NFXL1: variants seen among roughly 807,000 people sequenced by gnomAD.
NFXL1 encodes the protein nuclear transcription factor, X-box binding like 1.
In NFXL1, 66 loss-of-function variants were observed where a neutral mutation model predicts 123.3. The ratio of observed to expected loss-of-function variants is 0.54; its 90% CI spans 0.44 to 0.66. The LOEUF (loss-of-function observed/expected upper bound fraction) is 0.66. NFXL1 is among the 30% of genes least tolerant of loss of function. The probability of loss-of-function intolerance (pLI) is 0.00; values close to 1 mark genes in which losing one functional copy is unlikely to be tolerated. For synonymous variants in NFXL1, 346 were observed against 360.8 expected, an observed-to-expected ratio of 0.96 and a Z score of 0.46; for missense variants, 944 against 1,125.6, an observed-to-expected ratio of 0.84 and a Z score of 2.31.
rs998974146 is a variant in NFXL1, at chr4:47,892,113, C to T, written c.1453-1410G>A. Among the ~76,000 whole-genome samples the T allele has an allele frequency of 2.0e-5, 3 of 152,200 alleles. No homozygotes were observed. In the East Asian group the frequency reaches 5.8e-4, roughly 29 times the overall value. On this transcript the variant is annotated intron_variant, in intron 11 of 22. Transcript: ENST00000507489. ...GATGGAGTAACAACAACCAGATTTA[C>T]ACTCCTGTCTCAAACCACTAGAAAA... is the stretch of plus-strand genomic sequence containing the variant.
intron 2 of NFXL1, among the ~76,000 whole-genome samples, 177 bp from the exon 3 acceptor site, chr4:47,911,171 C>A (rs1262327780): frequency 6.6e-6 from 1 of 152,062 alleles, no homozygotes; most frequent in Non-Finnish European, 1.5e-5. Context: ...AAAGAGAATA[C>A]CACAACAAAA....
At chr4:47,889,013 G>A (rs1736615757) in intron 12 of NFXL1, among the ~76,000 whole-genome samples, 1 of 152,024 alleles carries the variant, frequency 6.6e-6, no homozygotes, top group African/African-American at 2.4e-5. Context: ...TATGAGACAG[G>A]GAAATGCTTC....
intron 19 of NFXL1, 60 bp from the exon 20 acceptor site, chr4:47,855,223 C>A: frequency 1.1e-6 from 1 of 900,444 alleles, no homozygotes; most frequent in Non-Finnish European, 1.8e-6. Flanking sequence ...CTCTAGTTTC[C>A]CCCATACCCC....
At chr4:47,855,705 C>T (rs1400920551) in intron 19 of NFXL1, among the ~76,000 whole-genome samples, 2 of 152,086 alleles carry the variant, frequency 1.3e-5, no homozygotes, top group East Asian at 3.8e-4. Flanking sequence ...ATGCCCTGTC[C>T]TTATACGGTG....
chr4:47,854,989 A>G lies in NFXL1; in HGVS notation c.2421+70T>C, dbSNP rs1233873364. ...AACTACCAAAACACATAGATCAAAA[A>G]ACAAGAACAAGAAAACCACACAAAA... On this transcript the variant is annotated intron_variant, in intron 20 of 22. Transcript: ENST00000507489. 15 of 636,182 alleles carry G rather than the reference A, an allele frequency of 2.4e-5. No individual in the cohort carries two copies. The Admixed American group carries it at 4.6e-4, about 19-fold the overall frequency. 39.4% of individuals were successfully genotyped at this position (636,182 alleles called of 1,614,324 possible). A position where few individuals can be genotyped will look rare whatever the true frequency, so the allele number is the denominator to read the frequency against.
intron 15 of NFXL1, among the ~76,000 whole-genome samples, chr4:47,879,723 C>T (rs746035361): frequency 1.3e-5 from 2 of 152,006 alleles, no homozygotes; most frequent in African/African-American, 4.8e-5. Flanking sequence ...AAAGAATAGG[C>T]AAATAAATGA....
rs1393900412 is a variant in NFXL1, at chr4:47,870,037, AAAATAGAGAAAGTT to A, written c.2246+5076_2246+5089del. On this transcript the variant is annotated intron_variant, in intron 18 of 22. Coordinates refer to ENST00000507489, the MANE Select transcript of NFXL1 (RefSeq NM_001278624.2). The stretch of plus-strand genomic sequence containing the variant: ...TAAGAGAGAGAAATTTTCATTAGAA[AAAATAGAGAAAGTT>A]ATCAAAAACAACACACACACATCAG... Among the ~76,000 whole-genome samples, 5 of 152,130 alleles carry A rather than the reference AAAATAGAGAAAGTT, an allele frequency of 3.3e-5. No homozygotes were observed. The East Asian group carries it at 7.7e-4, about 23-fold the overall frequency.
chr4:47,874,589 T>C (rs1735631634), intron 18 of NFXL1, among the ~76,000 whole-genome samples: 1 of 152,170 alleles, frequency 6.6e-6, no homozygotes. Context: ...CAGGTTATCA[T>C]AACAGATATG....
chr4:47,898,840 G>C lies in NFXL1; in HGVS notation c.1006C>G (p.Pro336Ala), dbSNP rs765306402. 1.9e-6 allele frequency: 3 copies of C among 1,613,616 alleles called. No homozygotes were observed. The Admixed American group carries it at 5.0e-5, about 27-fold the overall frequency. Residue 336 changes from proline (P) to alanine (A), a missense_variant, in exon 8 of 23, where the codon CCA becomes GCA. Pro to Ala is a conservative substitution (Grantham distance 27). Transcript: ENST00000507489. The part of the protein sequence containing the change: ...PCHAGSCQPC[P>A]RVSRQKCVCG... ...ACACACTTTTGTCTACTAACTCTTGGACAAGGCTGACAGCTTCCTAAAACC... is the reference window on the plus strand; with the variant it reads ...ACACACTTTTGTCTACTAACTCTTGCACAAGGCTGACAGCTTCCTAAAACC...
At chr4:47,851,745 T>C (rs1734130587) in intron 21 of NFXL1, 111 bp downstream of exon 21, 2 of 694,754 alleles carry the variant, frequency 2.9e-6, no homozygotes, top group Non-Finnish European at 4.8e-6. Flanking sequence ...TAGGCTTTTA[T>C]TATAAAAGCA....
chr4:47,856,666 T>C (rs555032150), intron 19 of NFXL1, among the ~76,000 whole-genome samples: 1 of 152,336 alleles, frequency 6.6e-6, no homozygotes, highest in Admixed American at 6.5e-5. Context: ...CTTTAACTTT[T>C]AGCTGAGGCA....
At chr4:47,889,177 G>A (rs1202478619) in intron 12 of NFXL1, among the ~76,000 whole-genome samples, 1 of 152,056 alleles carries the variant, frequency 6.6e-6, no homozygotes, top group Non-Finnish European at 1.5e-5. Context: ...GTCTTTTAAT[G>A]TGGTAAATTA....
At chr4:47,856,372 G>A (rs183224440) in intron 19 of NFXL1, among the ~76,000 whole-genome samples, 1 of 152,142 alleles carries the variant, frequency 6.6e-6, no homozygotes, top group African/African-American at 2.4e-5. Flanking sequence ...AACTTACGGT[G>A]GTGTAACTTA....
rs1403934879 is a variant in NFXL1, at chr4:47,896,514, A to G, written c.1329+9T>C. 2 of 1,609,100 alleles carry G rather than the reference A, an allele frequency of 1.2e-6. No homozygotes were observed. Among genetic ancestry groups the G allele is most frequent in the Admixed American group, 3.3e-5 (2 of 59,922 alleles). On this transcript the variant is annotated intron_variant, in intron 10 of 22. Coordinates refer to ENST00000507489, the MANE Select transcript of NFXL1 (RefSeq NM_001278624.2). ...CTCTTAAAAGTAATTATTACAGGAGATGACTAACTTGTCTACATGTTTCAC... is the reference window on the plus strand; with the variant it reads ...CTCTTAAAAGTAATTATTACAGGAGGTGACTAACTTGTCTACATGTTTCAC...
intron 21 of NFXL1, among the ~76,000 whole-genome samples, chr4:47,851,598 A>AG (rs2110023901): frequency 6.6e-6 from 1 of 152,210 alleles, no homozygotes; most frequent in African/African-American, 2.4e-5. Context: ...GGGTTGATGG[A>AG]GGGGAAGAGT....
intron 3 of NFXL1, among the ~76,000 whole-genome samples, chr4:47,907,698 A>AT (rs1392514562): frequency 6.6e-6 from 1 of 152,254 alleles, no homozygotes; most frequent in Non-Finnish European, 1.5e-5. Flanking sequence ...AAAAATTACC[A>AT]TAACACTTTT....
chr4:47,887,322 T>C (rs1736497846), intron 12 of NFXL1, among the ~76,000 whole-genome samples: 1 of 151,822 alleles, frequency 6.6e-6, no homozygotes, highest in African/African-American at 2.4e-5. Context: ...GTTAACCTGA[T>C]AAAAAAAAGA....
intron 17 of NFXL1, 51 bp from the exon 18 acceptor site, chr4:47,875,344 T>A: frequency 7.4e-7 from 1 of 1,347,802 alleles, no homozygotes. Context: ...AAGCCTAACA[T>A]TTCCATATGT....
intron 18 of NFXL1, among the ~76,000 whole-genome samples, chr4:47,870,061 A>AAC (rs1735335609): frequency 6.6e-6 from 1 of 152,154 alleles, no homozygotes; most frequent in African/African-American, 2.4e-5. Context: ...TATCAAAAAC[A>AAC]ACACACACAC....
Sources: gnomAD v4.1 joint callset for allele counts (sites outside exome capture counted in the v4.1 genomes callset) on GRCh38, gnomAD v4.1.1 for gene constraint, MANE v1.5 for transcripts, NCBI Gene and HGNC (gene_info 2026-07-23, HGNC 2026-07-21) for gene names.